Variants in PDE10A observed in about 807,000 individuals in gnomAD.
The protein encoded by PDE10A is cAMP and cAMP-inhibited cGMP 3',5'-cyclic phosphodiesterase 10A.
PDE10A carries 39 observed loss-of-function variants against 97.7 expected under a neutral mutation model. That is an observed-to-expected ratio of 0.40 (90% CI 0.31 to 0.52). The LOEUF (loss-of-function observed/expected upper bound fraction) is 0.52, where lower values mean the gene tolerates loss of function less well. Ranked by LOEUF, PDE10A falls within the 20% of genes least tolerant of loss-of-function variation. The pLI is 0.56. For missense variants in PDE10A, 731 were observed against 1,047.8 expected (o/e 0.70, Z 4.17); for synonymous variants, 371 against 376.8 (o/e 0.98, Z 0.18).
intron 18 of PDE10A, among the ~76,000 whole-genome samples, chr6:165,360,792 C>T (rs561591431): frequency 6.6e-6 from 1 of 152,140 alleles, no homozygotes; most frequent in African/African-American, 2.4e-5. Context: ...CAGCTGATGG[C>T]TGTTGGAACT....
At chr6:165,941,110 A>T (rs1783502861) in intron 1 of PDE10A, among the ~76,000 whole-genome samples, 1 of 152,116 alleles carries the variant, frequency 6.6e-6, no homozygotes, top group African/African-American at 2.4e-5. Flanking sequence ...TGGTACTCTG[A>T]CCTTAGGCAA....
chr6:165,447,241 G>A (rs1482892005), intron 5 of PDE10A, among the ~76,000 whole-genome samples: 2 of 152,160 alleles, frequency 1.3e-5, no homozygotes, highest in East Asian at 3.8e-4. Context: ...GTCTCTGCCC[G>A]CAGCTGTCTC....
intron 2 of PDE10A, among the ~76,000 whole-genome samples, chr6:165,501,694 C>T (rs73037869): frequency 0.11 from 16,951 of 152,040 alleles, 1,025 homozygotes; most frequent in South Asian, 0.18. Context: ...GTTAAGGATA[C>T]CCTGTTGAAG....
intron 1 of PDE10A, among the ~76,000 whole-genome samples, chr6:165,626,229 A>G (rs551528838): frequency 1.3e-5 from 2 of 152,344 alleles, no homozygotes; most frequent in East Asian, 3.9e-4. Flanking sequence ...CACGCTCAGG[A>G]AACCACACAA....
chr6:165,485,470 A>AAAAT (rs767353205), intron 2 of PDE10A, among the ~76,000 whole-genome samples: 5,203 of 88,222 alleles, frequency 0.059, 121 homozygotes, highest in Admixed American at 0.11. Flanking sequence ...TCTGTCTCAA[A>AAAAT]AAAAAAAAAA....
At chr6:165,567,396 C>T (rs1346214564) in intron 1 of PDE10A, among the ~76,000 whole-genome samples, 2 of 152,186 alleles carry the variant, frequency 1.3e-5, no homozygotes, top group Non-Finnish European at 2.9e-5. Flanking sequence ...GTGGAAATGG[C>T]ATTCAAATCT....
intron 1 of PDE10A, among the ~76,000 whole-genome samples, chr6:165,818,595 G>A (rs1779482491): frequency 6.6e-6 from 1 of 152,224 alleles, no homozygotes; most frequent in Admixed American, 6.5e-5. Flanking sequence ...TATCTAATCA[G>A]TTTGCCTGTG....
chr6:165,797,114 G>C (rs7762369), intron 1 of PDE10A, among the ~76,000 whole-genome samples: 1 of 152,106 alleles, frequency 6.6e-6, no homozygotes, highest in African/African-American at 2.4e-5. Context: ...CCTTGGTTTA[G>C]TGGCTTAGTC....
chr6:165,977,431 G>A (rs557656214), intron 1 of PDE10A, among the ~76,000 whole-genome samples: 7 of 152,226 alleles, frequency 4.6e-5, no homozygotes, highest in South Asian at 2.1e-4. Context: ...CTCCTTCAGC[G>A]TCCTCAAAGC....
intron 1 of PDE10A, among the ~76,000 whole-genome samples, chr6:165,599,231 C>T (rs1428910219): frequency 1.3e-5 from 2 of 152,204 alleles, no homozygotes; most frequent in African/African-American, 2.4e-5. Flanking sequence ...CATACTAAAA[C>T]AAGCAAACAC....
intron 3 of PDE10A, among the ~76,000 whole-genome samples, chr6:165,455,538 G>A (rs1047933423): frequency 3.3e-5 from 5 of 152,178 alleles, no homozygotes; most frequent in African/African-American, 1.2e-4. Context: ...AACCTGCCAA[G>A]CAATTCTTAG....
At chr6:165,974,708 C>T (rs1238938560) in intron 1 of PDE10A, among the ~76,000 whole-genome samples, 1 of 152,148 alleles carries the variant, frequency 6.6e-6, no homozygotes, top group Non-Finnish European at 1.5e-5. Context: ...CCACAGTATG[C>T]TAGATTCTAT....
intron 1 of PDE10A, among the ~76,000 whole-genome samples, chr6:165,592,361 T>C (rs903862204): frequency 3.3e-5 from 5 of 152,164 alleles, no homozygotes; most frequent in Admixed American, 2.6e-4. Context: ...GAAGAAAACC[T>C]AGGCAATACC....
chr6:165,899,650 A>G (rs1782050162), intron 1 of PDE10A, among the ~76,000 whole-genome samples: 1 of 152,254 alleles, frequency 6.6e-6, no homozygotes, highest in African/African-American at 2.4e-5. Flanking sequence ...AAGAAGTCAC[A>G]TTCAATCTGA....
intron 18 of PDE10A, among the ~76,000 whole-genome samples, chr6:165,359,674 T>C (rs1783258435): frequency 1.3e-5 from 2 of 152,344 alleles, no homozygotes; most frequent in South Asian, 4.1e-4. Context: ...TGGGCTCTGT[T>C]TCTCCTGACT....
chr6:165,843,300 G>A (rs1439996910), intron 1 of PDE10A, among the ~76,000 whole-genome samples: 5 of 152,076 alleles, frequency 3.3e-5, no homozygotes, highest in Admixed American at 1.3e-4. Context: ...GAGTGGAAGC[G>A]CAGCAGAGGG....
In PDE10A at chr6:165,575,110, C is replaced by G. The variant is rs563222151; in HGVS notation, c.866-31542G>C. ...CCCATTTGAATTAACTTTGCCTCAC[C>G]TCATTATTGAGTTTAAAGACCACTG... is the stretch of plus-strand genomic sequence containing the variant. On this transcript the variant is annotated intron_variant, in intron 1 of 21. Coordinates refer to ENST00000539869, the MANE Select transcript of PDE10A (RefSeq NM_001385079.1). Among the ~76,000 whole-genome samples, 28 of 152,250 alleles carry G rather than the reference C, an allele frequency of 1.8e-4. 1 individual carries two copies. The highest frequency in any genetic ancestry group is 3.4e-3 in the Middle Eastern group (1 of 294).
At chr6:165,806,649 G>GC (rs11420041) in intron 1 of PDE10A, among the ~76,000 whole-genome samples, 58,923 of 150,064 alleles carry the variant, frequency 0.39, 12,599 homozygotes, top group East Asian at 0.8. Flanking sequence ...TCTGCTGAGC[G>GC]CCCCCCCCCA....
At chr6:165,507,420 G>A (rs1781260169) in intron 2 of PDE10A, among the ~76,000 whole-genome samples, 1 of 152,198 alleles carries the variant, frequency 6.6e-6, no homozygotes, top group Admixed American at 6.6e-5. Context: ...CACAGTACTT[G>A]TAAATTAATG....
Sources: allele counts gnomAD v4.1 joint callset (sites outside exome capture counted in the v4.1 genomes callset), GRCh38; gene constraint gnomAD v4.1.1; transcripts MANE v1.5; gene names NCBI Gene and HGNC (gene_info 2026-07-23, HGNC 2026-07-21).